The following SUMF1 variants were observed in gnomAD, a reference collection of about 807,000 sequenced individuals.
SUMF1 encodes sulfatase modifying factor 1.
A neutral mutation model predicts 47.6 loss-of-function variants in SUMF1; 48 were observed. The ratio of observed to expected loss-of-function variants is 1.01; its 90% CI spans 0.80 to 1.28. SUMF1 has a LOEUF of 1.28. Ranked by LOEUF, SUMF1 falls within the 50% of genes most tolerant of loss-of-function variation. The pLI is 0.00. For synonymous variants in SUMF1, 230 were observed against 192.1 expected (o/e 1.20, Z -1.63); for missense variants, 571 against 485.4 (o/e 1.18, Z -1.66).
intron 8 of SUMF1, among the ~76,000 whole-genome samples, chr3:4,261,766 A>G (rs1697091625): frequency 6.6e-6 from 1 of 152,180 alleles, no homozygotes; most frequent in Non-Finnish European, 1.5e-5. Flanking sequence ...TCAGTAGAAG[A>G]CCAGCATCAG....
intron 8 of SUMF1, among the ~76,000 whole-genome samples, chr3:4,367,618 G>A (rs1052502356): frequency 5.3e-5 from 8 of 151,984 alleles, no homozygotes; most frequent in Non-Finnish European, 8.8e-5. Flanking sequence ...AAACAACATG[G>A]TACTGGTACC....
At chr3:4,108,345 A>G (rs1426791124) in intron 8 of SUMF1, among the ~76,000 whole-genome samples, 1 of 152,144 alleles carries the variant, frequency 6.6e-6, no homozygotes, top group East Asian at 1.9e-4. Flanking sequence ...ACTTCCAACT[A>G]AGTGGTCAAT....
At chr3:4,386,506 T>C (rs2124907019) in intron 7 of SUMF1, among the ~76,000 whole-genome samples, 1 of 152,260 alleles carries the variant, frequency 6.6e-6, no homozygotes, top group Non-Finnish European at 1.5e-5. Context: ...GTAGATTCCT[T>C]GGGACTTTCT....
chr3:4,389,831 T>C (rs698213), intron 7 of SUMF1, among the ~76,000 whole-genome samples: 13,129 of 152,262 alleles, frequency 0.086, 756 homozygotes, highest in Non-Finnish European at 0.13. Flanking sequence ...ATATTTTCTA[T>C]TTCTTTGCTG....
intron 8 of SUMF1, among the ~76,000 whole-genome samples, chr3:4,267,121 G>T (rs1473421349): frequency 6.6e-6 from 1 of 152,258 alleles, no homozygotes; most frequent in Admixed American, 6.5e-5. Context: ...GCTGGATTCA[G>T]TTTGCCAGTA....
At chr3:4,211,870 A>T (rs1258835540) in intron 8 of SUMF1, among the ~76,000 whole-genome samples, 1 of 152,162 alleles carries the variant, frequency 6.6e-6, no homozygotes, top group Non-Finnish European at 1.5e-5. Context: ...CTCCGCAGCC[A>T]AACTGCCAGA....
rs185407584 is a variant in SUMF1 at position 4,148,636 on chromosome 3, A to C, written c.1015-79891T>G. ...TCCTTCTTACTACAACTCATCTCTG[A>C]CATTGTAGTTCAAAAGCAGCCACAG... On this transcript the variant is annotated intron_variant and NMD_transcript_variant, in intron 8 of 12. Transcript: ENST00000448413. Among the ~76,000 whole-genome samples the C allele has an allele frequency of 1.0e-3, 158 of 152,292 alleles. 1 individual carries two copies. The highest frequency in any genetic ancestry group is 6.0e-3 in the Admixed American group (92 of 15,294).
At chr3:4,156,821 C>T (rs1694462242) in intron 8 of SUMF1, among the ~76,000 whole-genome samples, 1 of 151,656 alleles carries the variant, frequency 6.6e-6, no homozygotes, top group African/African-American at 2.4e-5. Flanking sequence ...AAGAGTGTAT[C>T]TCAGTGAATA....
At chr3:4,430,699 A>T (rs1018639693) in intron 3 of SUMF1, among the ~76,000 whole-genome samples, 2 of 152,128 alleles carry the variant, frequency 1.3e-5, no homozygotes, top group African/African-American at 4.8e-5. Context: ...AAGACAAACA[A>T]GCAGATGATT....
chr3:4,089,573 G>A (rs1692741168), intron 8 of SUMF1, among the ~76,000 whole-genome samples: 1 of 152,062 alleles, frequency 6.6e-6, no homozygotes, highest in Non-Finnish European at 1.5e-5. Context: ...TGGAACTCCA[G>A]GGATTATGAA....
chr3:4,204,123 C>T (rs1695600251), intron 8 of SUMF1, among the ~76,000 whole-genome samples: 1 of 152,028 alleles, frequency 6.6e-6, no homozygotes, highest in Non-Finnish European at 1.5e-5. Context: ...TGGTCTTTTC[C>T]TTCAGACTGA....
intron 8 of SUMF1, among the ~76,000 whole-genome samples, chr3:4,110,644 C>T (rs57271425): frequency 0.05 from 7,543 of 151,790 alleles, 510 homozygotes; most frequent in East Asian, 0.15. Flanking sequence ...ACATATACAC[C>T]ATGGAATACT....
chr3:4,411,953 T>A (rs1251137878), intron 6 of SUMF1, among the ~76,000 whole-genome samples: 1 of 152,176 alleles, frequency 6.6e-6, no homozygotes, highest in Non-Finnish European at 1.5e-5. Flanking sequence ...TAAACTAAAA[T>A]TCATTCCCTG....
At chr3:4,235,007 A>T (rs977599299) in intron 8 of SUMF1, among the ~76,000 whole-genome samples, 5 of 152,156 alleles carry the variant, frequency 3.3e-5, no homozygotes, top group African/African-American at 1.2e-4. Context: ...TTTGTATTTT[A>T]AAAAGATCAC....
chr3:4,143,919 C>T (rs1192859681), intron 8 of SUMF1, among the ~76,000 whole-genome samples: 2 of 151,504 alleles, frequency 1.3e-5, no homozygotes, highest in East Asian at 3.9e-4. Flanking sequence ...GATATGTACG[C>T]ATGATAAAGT....
At chr3:4,165,647 G>T (rs1474600597) in intron 8 of SUMF1, among the ~76,000 whole-genome samples, 1 of 152,044 alleles carries the variant, frequency 6.6e-6, no homozygotes, top group Non-Finnish European at 1.5e-5. Context: ...GGATAGTATT[G>T]TAATTTATAC....
intron 9 of SUMF1, among the ~76,000 whole-genome samples, chr3:4,062,218 G>A (rs534674629): frequency 2.6e-5 from 4 of 152,238 alleles, no homozygotes; most frequent in African/African-American, 9.6e-5. Context: ...CACTGTGCTT[G>A]CTTTCAAATG....
intron 8 of SUMF1, chr3:4,313,232 T>C: frequency 6.2e-7 from 1 of 1,613,930 alleles, no homozygotes; most frequent in African/African-American, 1.3e-5. Context: ...AAAGGAAGGT[T>C]TGTCTGTGAA....
At chr3:4,164,686 G>T (rs1559526544) in intron 8 of SUMF1, among the ~76,000 whole-genome samples, 1 of 152,034 alleles carries the variant, frequency 6.6e-6, no homozygotes. Flanking sequence ...TTTCCTTTTT[G>T]CCTGCTCCTC....
Sources: gnomAD v4.1 joint callset for allele counts (sites outside exome capture counted in the v4.1 genomes callset) on GRCh38, gnomAD v4.1.1 for gene constraint, MANE v1.5 for transcripts, NCBI Gene and HGNC (gene_info 2026-07-23, HGNC 2026-07-21) for gene names.